Variants in QPCT observed in about 807,000 individuals in gnomAD.
The protein encoded by QPCT is glutaminyl-peptide cyclotransferase, also known as EC.
In QPCT, 44 loss-of-function variants were observed where a neutral mutation model predicts 43.4. The observed-to-expected ratio is 1.01, with a 90% CI of 0.80 to 1.30. The LOEUF (loss-of-function observed/expected upper bound fraction) is 1.30. Among genes scored for constraint, QPCT ranks in the 50% most tolerant of loss-of-function variants. The probability of loss-of-function intolerance (pLI) is 0.00; values close to 1 mark genes in which losing one functional copy is unlikely to be tolerated. For synonymous variants in QPCT, 168 were observed against 168.4 expected (o/e 1.00, Z 0.02); for missense variants, 526 against 436.5 (o/e 1.21, Z -1.83).
intron 1 of QPCT, among the ~76,000 whole-genome samples, chr2:37,348,755 T>C (rs533104061): frequency 6.6e-6 from 1 of 152,314 alleles, no homozygotes; most frequent in East Asian, 1.9e-4. Context: ...GTCCTTTCTG[T>C]CTGGATGAAA....
intron 5 of QPCT, among the ~76,000 whole-genome samples, chr2:37,371,145 T>C (rs1191981370): frequency 6.6e-6 from 1 of 152,166 alleles, no homozygotes; most frequent in East Asian, 1.9e-4. Flanking sequence ...AATGGTGTTA[T>C]TAATATAAAC....
At chr2:37,358,506 A>G (rs908187050) in intron 2 of QPCT, among the ~76,000 whole-genome samples, 1 of 152,164 alleles carries the variant, frequency 6.6e-6, no homozygotes, top group African/African-American at 2.4e-5. Context: ...AGTGAAGCCA[A>G]GATAAAATAG....
At chr2:37,349,076 C>G (rs1672567644) in intron 1 of QPCT, among the ~76,000 whole-genome samples, 2 of 152,202 alleles carry the variant, frequency 1.3e-5, no homozygotes, top group Non-Finnish European at 2.9e-5. Context: ...CTTTTCCACA[C>G]AGGGCTTTAA....
intron 3 of QPCT, 90 bp downstream of exon 3, chr2:37,359,948 C>G: frequency 7.5e-7 from 1 of 1,341,264 alleles, no homozygotes; most frequent in Non-Finnish European, 1.0e-6. Context: ...AATGAGAAGG[C>G]CATTTAGAAA....
chr2:37,345,626 G>A (rs1215164255), intron 1 of QPCT, among the ~76,000 whole-genome samples: 2 of 152,142 alleles, frequency 1.3e-5, no homozygotes, highest in African/African-American at 4.8e-5. Context: ...ACGAGGTCAG[G>A]AGATCGAGAC....
At chr2:37,368,732 C>A (rs1462064173) in intron 4 of QPCT, 2 of 470,412 alleles carry the variant, frequency 4.3e-6, no homozygotes, top group East Asian at 7.0e-5. Flanking sequence ...AGAGGAGACG[C>A]CTGGTTGATC....
rs1448599789 is a variant in QPCT, at chr2:37,344,722, A to T, written c.-10A>T. ...GCCCGGGGAACCCGCTCCCAGACAG[A>T]CTCGGAGAGATGGCAGGCGGAAGAC... On this transcript the variant is annotated 5_prime_UTR_variant, in exon 1 of 7. Coordinates refer to ENST00000338415, the MANE Select transcript of QPCT (RefSeq NM_012413.4). The T allele has an allele frequency of 6.3e-7, 1 of 1,598,218 alleles. No individual in the cohort carries two copies. The highest frequency in any genetic ancestry group is 1.7e-5 in the Admixed American group (1 of 58,194).
At chr2:37,367,779 G>A (rs1672996164) in intron 4 of QPCT, among the ~76,000 whole-genome samples, 1 of 152,146 alleles carries the variant, frequency 6.6e-6, no homozygotes, top group Non-Finnish European at 1.5e-5. Context: ...TAAGGCAGGA[G>A]GATTGTTTGA....
intron 3 of QPCT, among the ~76,000 whole-genome samples, chr2:37,365,953 G>A (rs1672951178): frequency 6.6e-6 from 1 of 152,176 alleles, no homozygotes; most frequent in African/African-American, 2.4e-5. Flanking sequence ...TTTTTTCTCT[G>A]GTGAGGTTTA....
At chr2:37,356,267 A>AT (rs1205487202) in intron 2 of QPCT, among the ~76,000 whole-genome samples, 1 of 151,612 alleles carries the variant, frequency 6.6e-6, no homozygotes, top group Non-Finnish European at 1.5e-5. Context: ...TCATCTTTGT[A>AT]TTTTTTTTCT....
At chr2:37,363,941 G>A (rs1033537274) in intron 3 of QPCT, among the ~76,000 whole-genome samples, 2 of 151,812 alleles carry the variant, frequency 1.3e-5, no homozygotes, top group African/African-American at 2.4e-5. Flanking sequence ...TTTTAGAAGA[G>A]GAATGACAAA....
chr2:37,369,377 G>A (rs1024949381), intron 4 of QPCT, among the ~76,000 whole-genome samples: 1 of 152,182 alleles, frequency 6.6e-6, no homozygotes, highest in African/African-American at 2.4e-5. Flanking sequence ...ATAAATGTAT[G>A]CTTTTAATGT....
chr2:37,359,756 C>G lies in QPCT; in HGVS notation c.444C>G (p.His148Gln). The change falls in exon 3 of 7, where the codon CAC (histidine) becomes CAG (glutamine). Residue 148 changes from histidine to glutamine, a missense_variant. Coordinates refer to ENST00000338415, the MANE Select transcript of QPCT (RefSeq NM_012413.4). Reference sequence around the variant, plus strand: ...ACTATGACTCCAAGTATTTTTCCCACTGGAACAACAGAGTGTTTGTAGGAG... The same window carrying G: ...ACTATGACTCCAAGTATTTTTCCCAGTGGAACAACAGAGTGTTTGTAGGAG... ...ACHYDSKYFSHWNNRVFVGAT... is the reference protein window; with the variant it reads ...ACHYDSKYFSQWNNRVFVGAT... 6.2e-7 allele frequency: 1 copy of G among 1,614,094 alleles called. No homozygotes were observed. The highest frequency in any genetic ancestry group is 1.7e-5 in the Admixed American group (1 of 60,018).
At chr2:37,358,300 G>A (rs552507192) in intron 2 of QPCT, among the ~76,000 whole-genome samples, 1 of 152,246 alleles carries the variant, frequency 6.6e-6, no homozygotes, top group African/African-American at 2.4e-5. Flanking sequence ...AGTCAGGCAT[G>A]GTGGCATGTG....
intron 3 of QPCT, among the ~76,000 whole-genome samples, chr2:37,360,994 T>C (rs1457487322): frequency 6.6e-6 from 1 of 152,224 alleles, no homozygotes; most frequent in African/African-American, 2.4e-5. Context: ...TCCTTTGCTT[T>C]TTCCCATATA....
chr2:37,345,627 A>G (rs1014121039), intron 1 of QPCT, among the ~76,000 whole-genome samples: 3 of 152,062 alleles, frequency 2.0e-5, no homozygotes, highest in African/African-American at 7.2e-5. Context: ...CGAGGTCAGG[A>G]GATCGAGACC....
chr2:37,355,330 C>T (rs1672718014), intron 2 of QPCT, among the ~76,000 whole-genome samples: 1 of 152,004 alleles, frequency 6.6e-6, no homozygotes, highest in South Asian at 2.1e-4. Context: ...ACACTAATGG[C>T]CTTAATTTGA....
chr2:37,346,314 C>A (rs1672488464), intron 1 of QPCT, among the ~76,000 whole-genome samples: 2 of 152,120 alleles, frequency 1.3e-5, no homozygotes, highest in Admixed American at 6.5e-5. Flanking sequence ...CCATGGGGGC[C>A]CATGAAGAAG....
chr2:37,347,993 T>C (rs1358166672), intron 1 of QPCT, among the ~76,000 whole-genome samples: 1 of 152,170 alleles, frequency 6.6e-6, no homozygotes, highest in Non-Finnish European at 1.5e-5. Context: ...ATAACCCCAC[T>C]ATTCAGAGAT....
Sources: allele counts gnomAD v4.1 joint callset (sites outside exome capture counted in the v4.1 genomes callset), GRCh38; gene constraint gnomAD v4.1.1; transcripts MANE v1.5; gene names NCBI Gene and HGNC (gene_info 2026-07-23, HGNC 2026-07-21).